Variants in MSH3 observed in about 807,000 individuals in gnomAD.
MSH3 encodes DNA mismatch repair protein Msh3.
A neutral mutation model predicts 123.3 loss-of-function variants in MSH3; 106 were observed. The ratio of observed to expected loss-of-function variants is 0.86; its 90% CI spans 0.73 to 1.01. MSH3 has a LOEUF of 1.01. MSH3 is among the 50% of genes least tolerant of loss of function. The probability of loss-of-function intolerance (pLI) is 0.00; values close to 1 mark genes in which losing one functional copy is unlikely to be tolerated. For missense variants in MSH3, 1,459 were observed against 1,347.6 expected, an observed-to-expected ratio of 1.08 and a Z score of -1.29; for synonymous variants, 515 against 481.4, an observed-to-expected ratio of 1.07 and a Z score of -0.91.
chr5:80,689,950 G>A (rs1047647709), intron 8 of MSH3, among the ~76,000 whole-genome samples: 2 of 151,944 alleles, frequency 1.3e-5, no homozygotes, highest in South Asian at 2.1e-4. Context: ...GCAGTGGTGC[G>A]GTCATAGCTC....
At chr5:80,755,162 T>G (rs26282) in intron 12 of MSH3, among the ~76,000 whole-genome samples, 105,729 of 152,014 alleles carry the variant, frequency 0.7, 37,316 homozygotes, top group East Asian at 0.95. Flanking sequence ...CCTCTGCCGG[T>G]TTGAATGAGA....
chr5:80,788,111 A>G (rs771254168), intron 18 of MSH3, among the ~76,000 whole-genome samples: 2 of 152,178 alleles, frequency 1.3e-5, no homozygotes, highest in Non-Finnish European at 2.9e-5. Context: ...TCTCTTTTTC[A>G]TAAAGGATGT....
intron 16 of MSH3, among the ~76,000 whole-genome samples, chr5:80,777,622 A>G (rs1444061660): frequency 6.6e-6 from 1 of 152,238 alleles, no homozygotes; most frequent in African/African-American, 2.4e-5. Flanking sequence ...AATTGAATCA[A>G]CAGATAAGAT....
At chr5:80,668,374 G>A (rs1749618778) in intron 3 of MSH3, among the ~76,000 whole-genome samples, 1 of 152,130 alleles carries the variant, frequency 6.6e-6, no homozygotes. Context: ...TTTCTGCTCA[G>A]GAGCCTGTCT....
At chr5:80,831,645 TGTTA>T (rs771508010) in intron 20 of MSH3, among the ~76,000 whole-genome samples, 13 of 151,880 alleles carry the variant, frequency 8.6e-5, no homozygotes, top group Admixed American at 1.3e-4. Context: ...TAGAGTACTT[TGTTA>T]GTTAGGAGAT....
intron 19 of MSH3, among the ~76,000 whole-genome samples, chr5:80,805,234 A>G (rs1302098435): frequency 6.6e-6 from 1 of 152,326 alleles, no homozygotes; most frequent in Non-Finnish European, 1.5e-5. Flanking sequence ...TAGCCTTGCT[A>G]CCTAACCTGA....
Position 80,660,703 on chromosome 5 carries a change from T to C in MSH3, c.358+4172T>C, listed in dbSNP as rs187617067. Among the ~76,000 whole-genome samples, 308 of 152,298 alleles carry C rather than the reference T, an allele frequency of 2.0e-3. 2 individuals carry two copies. The highest frequency in any genetic ancestry group is 7.1e-3 in the African/African-American group (295 of 41,560). On this transcript the variant is annotated intron_variant, in intron 2 of 23. Coordinates refer to ENST00000265081, the MANE Select transcript of MSH3 (RefSeq NM_002439.5). ...GAGGGTTGTCTTTTTCTCTGGTTGC[T>C]TTTAAGATTTTCTCTTAATCACTGA...
intron 5 of MSH3, 59 bp downstream of exon 5, chr5:80,672,419 A>C (rs2112813955): frequency 1.5e-6 from 2 of 1,298,184 alleles, no homozygotes; most frequent in Non-Finnish European, 2.2e-6. Context: ...CAGAGAGTGC[A>C]AACGTGTTTT....
chr5:80,750,757 G>A (rs1310426403), intron 12 of MSH3, among the ~76,000 whole-genome samples: 5 of 152,186 alleles, frequency 3.3e-5, no homozygotes, highest in African/African-American at 1.2e-4. Context: ...TCTTGCTTTT[G>A]TTGTCTATAG....
intron 12 of MSH3, among the ~76,000 whole-genome samples, chr5:80,751,484 C>A (rs1017685826): frequency 6.6e-6 from 1 of 152,170 alleles, no homozygotes; most frequent in Non-Finnish European, 1.5e-5. Context: ...AGTCCAAGAT[C>A]AAGGAATCCT....
chr5:80,718,499 T>TTG (rs1751008027), intron 8 of MSH3, among the ~76,000 whole-genome samples: 1 of 151,282 alleles, frequency 6.6e-6, no homozygotes, highest in African/African-American at 2.4e-5. Flanking sequence ...CCTTTGGTTT[T>TTG]TTTTTTTTTT....
chr5:80,845,584 G>C (rs1745706326), intron 20 of MSH3, among the ~76,000 whole-genome samples: 1 of 152,142 alleles, frequency 6.6e-6, no homozygotes, highest in African/African-American at 2.4e-5. Flanking sequence ...ATATTTCATG[G>C]AGGCTTTGTT....
At chr5:80,659,755 A>G (rs1036426578) in intron 2 of MSH3, among the ~76,000 whole-genome samples, 1 of 152,118 alleles carries the variant, frequency 6.6e-6, no homozygotes, top group Non-Finnish European at 1.5e-5. Context: ...TTGCATTCCT[A>G]TAACTCTGTA....
At chr5:80,666,123 G>A (rs914327138) in intron 3 of MSH3, among the ~76,000 whole-genome samples, 7 of 152,092 alleles carry the variant, frequency 4.6e-5, no homozygotes, top group Non-Finnish European at 8.8e-5. Context: ...ACAGTTGTGC[G>A]ATTATAGTTC....
chr5:80,750,078 AGTGTGTGTGTGTGT>A (rs57762095), intron 12 of MSH3, among the ~76,000 whole-genome samples: 25 of 134,260 alleles, frequency 1.9e-4, no homozygotes, highest in Admixed American at 3.0e-4. Context: ...AGTATTCCAG[AGTGTGTGTGTGTGT>A]GTGTGTGTGT....
intron 23 of MSH3, among the ~76,000 whole-genome samples, chr5:80,874,063 CCATGATGAA>C (rs1395994124): frequency 1.3e-5 from 2 of 152,110 alleles, no homozygotes; most frequent in Non-Finnish European, 2.9e-5. Context: ...AATCATATGA[CCATGATGAA>C]CAGATTGTTG....
rs6151881 is a variant in MSH3, at chr5:80,814,769, T to C, written c.2813+1028T>C. ...TGCAAAAGGCATTGGACCAAGATCA[T>C]TTTGTTGATATCCCTTTTTACTCTA... On this transcript the variant is annotated intron_variant, in intron 20 of 23. Coordinates refer to ENST00000265081, the MANE Select transcript of MSH3 (RefSeq NM_002439.5). Among the ~76,000 whole-genome samples, 904 of 152,318 alleles carry C rather than the reference T, an allele frequency of 5.9e-3. 7 individuals are homozygous for C. Among genetic ancestry groups the C allele is most frequent in the South Asian group, 0.049 (235 of 4,830 alleles).
intron 13 of MSH3, among the ~76,000 whole-genome samples, chr5:80,766,489 C>T (rs573406185): frequency 2.0e-5 from 3 of 151,752 alleles, no homozygotes; most frequent in Admixed American, 1.3e-4. Flanking sequence ...GGATCACAGG[C>T]GAGCGCCACC....
chr5:80,851,981 T>C (rs1232348041), intron 20 of MSH3, among the ~76,000 whole-genome samples: 2 of 152,214 alleles, frequency 1.3e-5, no homozygotes, highest in Non-Finnish European at 2.9e-5. Flanking sequence ...ACTCTGTTAC[T>C]TTACTGTTTT....
Sources: gnomAD v4.1 joint callset for allele counts (sites outside exome capture counted in the v4.1 genomes callset) on GRCh38, gnomAD v4.1.1 for gene constraint, MANE v1.5 for transcripts, NCBI Gene and HGNC (gene_info 2026-07-23, HGNC 2026-07-21) for gene names.